MFGE8: variants seen among roughly 807,000 people sequenced by gnomAD.
MFGE8 encodes the protein lactadherin.
In MFGE8, 34 loss-of-function variants were observed where a neutral mutation model predicts 42.6. That is an observed-to-expected ratio of 0.80 (90% CI 0.61 to 1.06). MFGE8 has a LOEUF of 1.06. Ranked by LOEUF, MFGE8 falls within the 50% of genes least tolerant of loss-of-function variation. The probability of loss-of-function intolerance (pLI) is 0.00; values close to 1 mark genes in which losing one functional copy is unlikely to be tolerated. For missense variants in MFGE8, 510 were observed against 516.9 expected, an observed-to-expected ratio of 0.99 and a Z score of 0.13; for synonymous variants, 230 against 214.8, an observed-to-expected ratio of 1.07 and a Z score of -0.62.
At chr15:88,900,548 TG>T in intron 6 of MFGE8, 1 of 190,914 alleles carries the variant, frequency 5.2e-6, no homozygotes, top group Non-Finnish European at 9.7e-6. Context: ...GTGTGCTCCA[TG>T]GGGCCCTGAG....
Position 88,898,929 on chromosome 15 carries a change from A to G in MFGE8, c.*466T>C. 4.2e-6 allele frequency: 1 copy of G among 237,676 alleles called. No individual in the cohort carries two copies. The highest frequency in any genetic ancestry group is 8.4e-6 in the Non-Finnish European group (1 of 119,064). The allele number at this position is 237,676 out of a possible 1,614,324, so 14.7% of individuals were successfully genotyped here. ...AGGGGGCCACAGCAGTTGTGGCCAC[A>G]TGGTACCCCAGGGCCGACGCAGGGC... On this transcript the variant is annotated 3_prime_UTR_variant, in exon 8 of 8. Coordinates refer to ENST00000268150, the MANE Select transcript of MFGE8 (RefSeq NM_005928.4).
chr15:88,903,752 A>C lies in MFGE8; in HGVS notation c.685+2005T>G, dbSNP rs1020045143. 1.3e-5 allele frequency: 2 copies of C among 152,250 alleles called. No homozygotes were observed. Among genetic ancestry groups the C allele is most frequent in the Non-Finnish European group, 2.9e-5 (2 of 68,140 alleles). The allele number at this position is 152,250 out of a possible 1,614,324, so 9.4% of individuals were successfully genotyped here. ...TGATCCGCTCGCCTCGGCCTCCCAA[A>C]GTGCTGGGATTACAGGCGTGAGCCA... On this transcript the variant is annotated intron_variant, in intron 5 of 7. Coordinates refer to ENST00000268150, the MANE Select transcript of MFGE8 (RefSeq NM_005928.4). This position sits in a 1 kb window ranked among gnomAD's most constrained non-coding sequence, Gnocchi z 4.9.
Position 88,905,474 on chromosome 15 carries a change from A to G in MFGE8, c.685+283T>C. 1 of 596,218 alleles carries G rather than the reference A, an allele frequency of 1.7e-6. No individual in the cohort carries two copies. Among genetic ancestry groups the G allele is most frequent in the Non-Finnish European group, 3.1e-6 (1 of 317,620 alleles). 36.9% of individuals were successfully genotyped at this position (596,218 alleles called of 1,614,324 possible). On this transcript the variant is annotated intron_variant, in intron 5 of 7. Coordinates refer to ENST00000268150, the MANE Select transcript of MFGE8 (RefSeq NM_005928.4). The surrounding 1 kb of genome is among the most constrained non-coding windows in gnomAD (Gnocchi z 6.6). The stretch of plus-strand genomic sequence containing the variant: ...CCTAACGCTACATGTTCTAGAAGCT[A>G]CAGGAGAGGAGCCAACCAGAAGAAG...
At position 88,909,208 on chromosome 15, in the gene MFGE8, G is replaced by A. The variant is rs1015893238; in HGVS notation, c.205+584C>T. On this transcript the variant is annotated intron_variant, in intron 2 of 7. Transcript: ENST00000268150. ...TGTGGCCGAGTGGATAACCAGGCAG[G>A]TCACACGCGGACAGCCCCTCTGGGC... Among the ~76,000 whole-genome samples the A allele has an allele frequency of 6.6e-5, 10 of 152,298 alleles. No individual in the cohort carries two copies. The East Asian group carries it at 1.9e-3, about 29-fold the overall frequency.
At chr15:88,910,514 C>T (rs866010229) in intron 1 of MFGE8, 22 of 177,166 alleles carry the variant, frequency 1.2e-4, no homozygotes, top group Middle Eastern at 2.7e-3. Context: ...AGATGCAGCG[C>T]AGGCCTCAAG....
Position 88,905,557 on chromosome 15 carries a change from T to C in MFGE8, c.685+200A>G. The C allele has an allele frequency of 1.4e-6, 1 of 723,026 alleles. No individual in the cohort carries two copies. Among genetic ancestry groups the C allele is most frequent in the Non-Finnish European group, 2.5e-6 (1 of 404,790 alleles). 44.8% of individuals were successfully genotyped at this position (723,026 alleles called of 1,614,324 possible). ...CTATCAATCAGAATGCCCTGGGTCA[T>C]GGGTTGGCAGACAGCAAACACCTGG... On this transcript the variant is annotated intron_variant, in intron 5 of 7. Coordinates refer to ENST00000268150, the MANE Select transcript of MFGE8 (RefSeq NM_005928.4). The surrounding 1 kb of genome is among the most constrained non-coding windows in gnomAD (Gnocchi z 6.6).
intron 6 of MFGE8, among the ~76,000 whole-genome samples, chr15:88,901,203 TCA>T (rs748914080): frequency 0.37 from 23,142 of 61,808 alleles, 5,536 homozygotes; most frequent in Middle Eastern, 0.48. Context: ...ATTCACACAT[TCA>T]CACACACACA....
rs190638344 is a variant in MFGE8 at position 88,904,281 on chromosome 15, C to T, written c.685+1476G>A. 10 of 152,406 alleles carry T rather than the reference C, an allele frequency of 6.6e-5. No homozygotes were observed. In the East Asian group the frequency reaches 1.5e-3, roughly 23 times the overall value. The allele number at this position is 152,406 out of a possible 1,614,324, so 9.4% of individuals were successfully genotyped here. On this transcript the variant is annotated intron_variant, in intron 5 of 7. Transcript: ENST00000268150. ...TTAAATAATTAATTTACCAAAGACA[C>T]CATATGTCTGCAAAGAGGAATCCCT...
intron 2 of MFGE8, among the ~76,000 whole-genome samples, chr15:88,909,509 G>T (rs373847864): frequency 6.6e-6 from 1 of 152,236 alleles, no homozygotes; most frequent in Non-Finnish European, 1.5e-5. Flanking sequence ...GACCTCCAGG[G>T]TGACCACAAC....
intron 6 of MFGE8, among the ~76,000 whole-genome samples, chr15:88,900,439 T>C (rs557406074): frequency 6.6e-6 from 1 of 152,274 alleles, no homozygotes; most frequent in African/African-American, 2.4e-5. Flanking sequence ...TGGAGGGGCA[T>C]GAACTGCTCT....
chr15:88,907,715 C>CG (rs1388082608), intron 2 of MFGE8, among the ~76,000 whole-genome samples: 6 of 147,266 alleles, frequency 4.1e-5, no homozygotes, highest in East Asian at 2.0e-4. Flanking sequence ...GTCCCCCCCG[C>CG]CAGGCTGTGG....
chr15:88,910,984 G>C (rs1395010378), intron 1 of MFGE8: 1 of 152,240 alleles, frequency 6.6e-6, no homozygotes, highest in Admixed American at 6.5e-5. Flanking sequence ...AGTTCCAATT[G>C]CGGGATGAAG....
At chr15:88,907,690 C>T (rs956795222) in intron 2 of MFGE8, among the ~76,000 whole-genome samples, 2 of 142,080 alleles carry the variant, frequency 1.4e-5, no homozygotes, top group African/African-American at 2.7e-5. Flanking sequence ...ATGATTGGCA[C>T]TCATGGAAAG....
intron 1 of MFGE8, among the ~76,000 whole-genome samples, chr15:88,911,857 G>T (rs2141728330): frequency 6.6e-6 from 1 of 152,238 alleles, no homozygotes; most frequent in Admixed American, 6.5e-5. Flanking sequence ...CACCATTAAT[G>T]AGCGATCTGC....
At chr15:88,911,604 G>A (rs1294975285) in intron 1 of MFGE8, among the ~76,000 whole-genome samples, 1 of 152,156 alleles carries the variant, frequency 6.6e-6, no homozygotes, top group Non-Finnish European at 1.5e-5. Context: ...GCAGGTGCCT[G>A]TAGTCCCAGC....
At chr15:88,907,713 C>CT (rs773926451) in intron 2 of MFGE8, among the ~76,000 whole-genome samples, 1 of 151,362 alleles carries the variant, frequency 6.6e-6, no homozygotes, top group Non-Finnish European at 1.5e-5. Flanking sequence ...GAGTCCCCCC[C>CT]GCCAGGCTGT....
intron 6 of MFGE8, chr15:88,900,885 G>T: frequency 3.3e-6 from 1 of 302,076 alleles, no homozygotes; most frequent in Non-Finnish European, 4.7e-6. Context: ...TTCCGCCTCC[G>T]CCCTGCTGTC....
Position 88,899,604 on chromosome 15 carries a change from C to T in MFGE8, c.1026+52G>A. 1 of 1,614,148 alleles carries T rather than the reference C, an allele frequency of 6.2e-7. No individual in the cohort carries two copies. The highest frequency in any genetic ancestry group is 8.5e-7 in the Non-Finnish European group (1 of 1,180,018). ...CCCTCAGAGCCCCAGGCCAGACTCC[C>T]AGGGAAGTAATGAAGGAATGGCAAA... is the stretch of plus-strand genomic sequence containing the variant. On this transcript the variant is annotated intron_variant, in intron 7 of 7. Coordinates refer to ENST00000268150, the MANE Select transcript of MFGE8 (RefSeq NM_005928.4). This position sits in a 1 kb window ranked among gnomAD's most constrained non-coding sequence, Gnocchi z 6.8.
chr15:88,912,715 C>A (rs1009218405), intron 1 of MFGE8: 13 of 985,428 alleles, frequency 1.3e-5, no homozygotes, highest in Non-Finnish European at 1.6e-5. Flanking sequence ...CCGGGCCCCA[C>A]TTACGGCCTG....
Sources: gnomAD v4.1 joint callset for allele counts (sites outside exome capture counted in the v4.1 genomes callset) on GRCh38, gnomAD v4.1.1 for gene constraint, Gnocchi (gnomAD v3.1) non-coding constraint, MANE v1.5 for transcripts, NCBI Gene and HGNC (gene_info 2026-07-23, HGNC 2026-07-21) for gene names.